Variants in NDE1 observed in about 807,000 individuals in gnomAD.
NDE1 encodes nuclear distribution protein nudE homolog 1.
Under a neutral mutation model 43.4 loss-of-function variants are expected in NDE1, and 28 were observed. The ratio of observed to expected loss-of-function variants is 0.65; its 90% CI spans 0.48 to 0.89. The LOEUF (loss-of-function observed/expected upper bound fraction) is 0.89. Among genes scored for constraint, NDE1 ranks in the 40% least tolerant of loss-of-function variants. The probability of loss-of-function intolerance (pLI) is 0.00; values close to 1 mark genes in which losing one functional copy is unlikely to be tolerated. For synonymous variants in NDE1, 184 were observed against 172.0 expected (o/e 1.07, Z -0.55); for missense variants, 441 against 434.1 (o/e 1.02, Z -0.14).
At chr16:15,704,952 T>C (rs750447805) in intron 8 of NDE1, among the ~76,000 whole-genome samples, 11 of 152,168 alleles carry the variant, frequency 7.2e-5, no homozygotes, top group Non-Finnish European at 1.5e-4. Flanking sequence ...GCGCTGGCAT[T>C]ACAGGCGTGG....
At chr16:15,650,994 G>A (rs900585530) in intron 1 of NDE1, among the ~76,000 whole-genome samples, 1 of 152,184 alleles carries the variant, frequency 6.6e-6, no homozygotes, top group Non-Finnish European at 1.5e-5. Flanking sequence ...TTGGGTAAAG[G>A]ACGAAAATGC....
At chr16:15,656,382 C>T (rs1359654577) in intron 1 of NDE1, among the ~76,000 whole-genome samples, 1 of 152,122 alleles carries the variant, frequency 6.6e-6, no homozygotes, top group Non-Finnish European at 1.5e-5. Context: ...CCAGATCCCT[C>T]CCATTGGCCC....
At chr16:15,720,863 C>A (rs748913486) in intron 8 of NDE1, 1 of 1,613,846 alleles carries the variant, frequency 6.2e-7, no homozygotes, top group South Asian at 1.1e-5. Flanking sequence ...GCCTCCTCTT[C>A]TCCTCATTCT....
intron 3 of NDE1, among the ~76,000 whole-genome samples, chr16:15,674,238 G>A (rs186479305): frequency 1.3e-5 from 2 of 151,858 alleles, no homozygotes; most frequent in East Asian, 3.9e-4. Context: ...CCTCCCTTCT[G>A]TCTTAGTTTT....
chr16:15,648,267 G>A (rs2036371576), upstream of NDE1, among the ~76,000 whole-genome samples: 1 of 151,744 alleles, frequency 6.6e-6, no homozygotes, highest in African/African-American at 2.4e-5. Flanking sequence ...ACATTGTTGT[G>A]GACTGTAGTC....
At chr16:15,709,441 A>C (rs2039656039) in intron 8 of NDE1, among the ~76,000 whole-genome samples, 1 of 151,828 alleles carries the variant, frequency 6.6e-6, no homozygotes, top group Non-Finnish European at 1.5e-5. Flanking sequence ...CAGCCTCCCG[A>C]GTAGCTGGGA....
At chr16:15,681,542 T>A (rs1045557697) in intron 4 of NDE1, among the ~76,000 whole-genome samples, 1 of 152,106 alleles carries the variant, frequency 6.6e-6, no homozygotes, top group Non-Finnish European at 1.5e-5. Context: ...ATTATAGGCA[T>A]GAGCCACCAT....
At chr16:15,645,149 G>T (rs751209658) in intron 1 of NDE1, among the ~76,000 whole-genome samples, 2 of 152,034 alleles carry the variant, frequency 1.3e-5, no homozygotes, top group Non-Finnish European at 2.9e-5. Flanking sequence ...CGAACTCCTA[G>T]CCTCAAGTGA....
At chr16:15,669,098 C>T (rs1343389337) in intron 3 of NDE1, among the ~76,000 whole-genome samples, 1 of 151,626 alleles carries the variant, frequency 6.6e-6, no homozygotes, top group Non-Finnish European at 1.5e-5. Flanking sequence ...AACGGGGTTT[C>T]ACCGTGTTAG....
chr16:15,712,289 A>G (rs11866760), intron 8 of NDE1, among the ~76,000 whole-genome samples: 1 of 152,266 alleles, frequency 6.6e-6, no homozygotes, highest in East Asian at 1.9e-4. Context: ...CTGAGGAGTC[A>G]TTAGATATAC....
intron 6 of NDE1, 37 bp from the exon 7 acceptor site, chr16:15,694,128 G>T (rs1460078929): frequency 5.6e-6 from 9 of 1,609,818 alleles, no homozygotes; most frequent in Non-Finnish European, 7.6e-6. Context: ...ATGACTATAG[G>T]TTGGTGAGTT....
chr16:15,664,828 A>G lies in NDE1; in HGVS notation c.50A>G (p.Tyr17Cys), dbSNP rs761908012. The G allele has an allele frequency of 2.5e-6, 4 of 1,612,882 alleles. No homozygotes were observed. The Admixed American group carries it at 5.0e-5, about 20-fold the overall frequency. The stretch of plus-strand genomic sequence containing the variant: ...AGCTCCGAGGAGGAAGAAGCTAACT[A>G]TTGGAAAGATCTGGCGATGACCTAC... ...TFSSEEEEAN[Y>C]WKDLAMTYKQ... The change falls in exon 2 of 9, where the codon TAT becomes TGT. Residue 17 changes from tyrosine to cysteine, a missense_variant. Coordinates refer to ENST00000396354, the MANE Select transcript of NDE1 (RefSeq NM_017668.3).
chr16:15,695,615 A>G, intron 7 of NDE1: 2 of 985,168 alleles, frequency 2.0e-6, no homozygotes, highest in Non-Finnish European at 1.2e-6. Flanking sequence ...TATTCTTTGT[A>G]GTTTATTTTT....
In NDE1 at chr16:15,721,514, A is replaced by C. The variant is rs568507502; in HGVS notation, c.948-2677A>C. Reference sequence around the variant, plus strand: ...CGCTCGAGTTCCTCTTTGGCTTCCAAGGCCTCTTCAAGGGCCCGAGCCAGG... The same window carrying C: ...CGCTCGAGTTCCTCTTTGGCTTCCACGGCCTCTTCAAGGGCCCGAGCCAGG... On this transcript the variant is annotated intron_variant, in intron 8 of 8. Transcript: ENST00000396354. The C allele has an allele frequency of 1.2e-6, 2 of 1,614,124 alleles. No individual in the cohort carries two copies. The highest frequency in any genetic ancestry group is 2.2e-5 in the South Asian group (2 of 91,080).
In NDE1 at chr16:15,718,458, G is replaced by A. The variant is rs763391130; in HGVS notation, c.948-5733G>A. 7 of 1,545,044 alleles carry A rather than the reference G, an allele frequency of 4.5e-6. No homozygotes were observed. The highest frequency in any genetic ancestry group is 6.1e-6 in the Non-Finnish European group (7 of 1,149,180). On this transcript the variant is annotated intron_variant, in intron 8 of 8. Transcript: ENST00000396354. ...GCGTTCCTGGGGGAAGGGCGGCCAT[G>A]GTGGGGGCCTCTACCCTCCCCCGCC...
At chr16:15,715,045 T>C in intron 8 of NDE1, 2 of 1,613,702 alleles carry the variant, frequency 1.2e-6, no homozygotes, top group African/African-American at 1.3e-5. Context: ...TCCAGCTGCC[T>C]CTTGAGCTGC....
intron 5 of NDE1, among the ~76,000 whole-genome samples, chr16:15,689,451 C>T (rs1003279766): frequency 6.6e-6 from 1 of 152,084 alleles, no homozygotes; most frequent in African/African-American, 2.4e-5. Flanking sequence ...ATGATTGTGC[C>T]ACCGCACCCC....
chr16:15,696,997 C>T, intron 8 of NDE1, 137 bp downstream of exon 8: 1 of 1,536,398 alleles, frequency 6.5e-7, no homozygotes, highest in Non-Finnish European at 8.7e-7. Flanking sequence ...CTCTCCTCTG[C>T]TCCCTGCAGG....
chr16:15,710,690 T>G (rs1351970315), intron 8 of NDE1, among the ~76,000 whole-genome samples: 3 of 151,416 alleles, frequency 2.0e-5, no homozygotes, highest in Admixed American at 6.6e-5. Context: ...TGTTTTTTGT[T>G]TTTTTTTTGG....
Sources: gnomAD v4.1 joint callset for allele counts (sites outside exome capture counted in the v4.1 genomes callset) on GRCh38, gnomAD v4.1.1 for gene constraint, MANE v1.5 for transcripts, NCBI Gene and HGNC (gene_info 2026-07-23, HGNC 2026-07-21) for gene names.